Variants in TGM4 observed in about 807,000 individuals in gnomAD.
TGM4 encodes the protein transglutaminase 4, also known as protein-glutamine gamma-glutamyltransferase 4.
Under a neutral mutation model 76.3 loss-of-function variants are expected in TGM4, and 61 were observed. The ratio of observed to expected loss-of-function variants is 0.80; its 90% CI spans 0.65 to 0.99. The LOEUF (loss-of-function observed/expected upper bound fraction) is 0.99, where lower values mean the gene tolerates loss of function less well. Ranked by LOEUF, TGM4 falls within the 50% of genes least tolerant of loss-of-function variation. TGM4 has a pLI of 0.00. For synonymous variants in TGM4, 337 were observed against 329.8 expected (o/e 1.02, Z -0.24); for missense variants, 794 against 843.2 (o/e 0.94, Z 0.72).
intron 1 of TGM4, among the ~76,000 whole-genome samples, chr3:44,879,253 CTCTCTCTCTCTCTATA>C (rs1189798295): frequency 8.8e-4 from 86 of 97,926 alleles, no homozygotes; most frequent in African/African-American, 2.3e-3. Flanking sequence ...CTCTCTCTCT[CTCTCTCTCTCTCTATA>C]TATATATATA....
chr3:44,893,482 C>T, intron 4 of TGM4, 95 bp from the exon 5 acceptor site: 1 of 1,101,032 alleles, frequency 9.1e-7, no homozygotes, highest in Non-Finnish European at 1.4e-6. Flanking sequence ...TCACAAAGAC[C>T]TTGAATCTCC....
rs187586675 is a variant in TGM4 at position 44,876,990 on chromosome 3, C to T, written c.19+2293C>T. 3.9e-4 allele frequency among the ~76,000 whole-genome samples: 59 copies of T among 152,228 alleles called. 1 individual carries two copies. The highest frequency in any genetic ancestry group is 1.2e-3 in the African/African-American group (51 of 41,524). On this transcript the variant is annotated intron_variant, in intron 1 of 13. Coordinates refer to ENST00000296125, the MANE Select transcript of TGM4 (RefSeq NM_003241.4). ...AAAAGATGCTCAACCTTACTTGTAACGAGGGTGGTCATGAAATAAAACTGA... is the reference window on the plus strand; with the variant it reads ...AAAAGATGCTCAACCTTACTTGTAATGAGGGTGGTCATGAAATAAAACTGA...
rs199608051 is a variant in TGM4 at position 44,890,652 on chromosome 3, A to G, written c.350A>G (p.Gln117Arg). 40 of 1,614,078 alleles carry G rather than the reference A, an allele frequency of 2.5e-5. No homozygotes were observed. The highest frequency in any genetic ancestry group is 3.3e-5 in the Non-Finnish European group (39 of 1,180,040). The change falls in exon 4 of 14, where the codon CAA becomes CGA. Residue 117 changes from glutamine to arginine, a missense_variant. Physicochemically the swap from Gln to Arg is conservative, Grantham distance 43. Coordinates refer to ENST00000296125, the MANE Select transcript of TGM4 (RefSeq NM_003241.4). ...SSPNAILGKYQLNVKTGNHIL... is the reference protein window; with the variant it reads ...SSPNAILGKYRLNVKTGNHIL... ...CCCAATGCCATCCTGGGCAAGTACC[A>G]ACTAAACGTGAAAACTGGAAACCAC...
rs1259448044 is a variant in TGM4, at chr3:44,887,761, G to T, written c.266G>T (p.Trp89Leu). 3 of 1,614,188 alleles carry T rather than the reference G, an allele frequency of 1.9e-6. 1 individual carries two copies. In the South Asian group the frequency reaches 3.3e-5, roughly 18 times the overall value. ...DPRTPSDHYNWQATLQNESGK... is the reference protein window; with the variant it reads ...DPRTPSDHYNLQATLQNESGK... ...AGGACGCCCTCAGACCACTACAACT[G>T]GCAGGCAACCCTTCAAAATGAGTCT... The change falls in exon 3 of 14, where the codon TGG becomes TTG. Residue 89 changes from tryptophan to leucine, a missense_variant. By Grantham distance (61) the Trp-to-Leu change is moderately conservative (BLOSUM62 -2). Transcript: ENST00000296125.
At chr3:44,889,456 T>A (rs1013347883) in intron 3 of TGM4, among the ~76,000 whole-genome samples, 2 of 152,000 alleles carry the variant, frequency 1.3e-5, no homozygotes, top group South Asian at 4.2e-4. Flanking sequence ...CAGATGCCCA[T>A]GCTAGAAGCC....
In TGM4 at chr3:44,911,254, C is replaced by T. The variant is rs879175866; in HGVS notation, c.1777-16C>T. 1 of 1,614,072 alleles carries T rather than the reference C, an allele frequency of 6.2e-7. No homozygotes were observed. The highest frequency in any genetic ancestry group is 1.1e-5 in the South Asian group (1 of 91,072). On this transcript the variant is annotated splice_polypyrimidine_tract_variant and intron_variant, in intron 12 of 13. Transcript: ENST00000296125. ...CATATCTTCTCTCCCCATCTCTCCT[C>T]CCCACCCTACTACAGTTGCCTAACA...
At chr3:44,892,028 G>A (rs1244386476) in intron 4 of TGM4, among the ~76,000 whole-genome samples, 3 of 151,918 alleles carry the variant, frequency 2.0e-5, no homozygotes, top group African/African-American at 7.2e-5. Context: ...GGAGGCCAAG[G>A]CAGGCGGAAC....
chr3:44,904,054 G>C, intron 9 of TGM4, 67 bp downstream of exon 9: 1 of 1,427,002 alleles, frequency 7.0e-7, no homozygotes, highest in Non-Finnish European at 9.8e-7. Flanking sequence ...GGGTTCTGTG[G>C]GTCTTGGGTA....
chr3:44,877,609 T>C (rs746300323), intron 1 of TGM4, among the ~76,000 whole-genome samples: 1 of 151,664 alleles, frequency 6.6e-6, no homozygotes, highest in Non-Finnish European at 1.5e-5. Flanking sequence ...AAAAAAAGGT[T>C]ATATAAAAGC....
chr3:44,890,667 C>A lies in TGM4; in HGVS notation c.365C>A (p.Thr122Asn). ...ILGKYQLNVK[T>N]GNHILKSEEN... ...GGCAAGTACCAACTAAACGTGAAAACTGGAAACCACATCCTTAAGTCTGAA... is the reference window on the plus strand; with the variant it reads ...GGCAAGTACCAACTAAACGTGAAAAATGGAAACCACATCCTTAAGTCTGAA... The change falls in exon 4 of 14, where the codon ACT becomes AAT. Residue 122 changes from threonine to asparagine, a missense_variant. Thr to Asn is a moderately conservative substitution (Grantham distance 65, BLOSUM62 0). Transcript: ENST00000296125. The A allele has an allele frequency of 1.2e-6, 2 of 1,614,224 alleles. No homozygotes were observed. The highest frequency in any genetic ancestry group is 1.7e-6 in the Non-Finnish European group (2 of 1,180,042).
rs1401247892 is a variant in TGM4 at position 44,910,200 on chromosome 3, G to A, written c.1438G>A (p.Asp480Asn). 1.2e-6 allele frequency: 2 copies of A among 1,614,194 alleles called. No homozygotes were observed. The highest frequency in any genetic ancestry group is 1.7e-5 in the Admixed American group (1 of 60,018). The change falls in exon 11 of 14, where the codon GAT (aspartate) becomes AAT (asparagine). Residue 480 changes from aspartate to asparagine, a missense_variant. Asp to Asn is a conservative substitution (Grantham distance 23, BLOSUM62 1). Coordinates refer to ENST00000296125, the MANE Select transcript of TGM4 (RefSeq NM_003241.4). ...ENFLHMSVQS[D>N]DVLLGNSVNF... ...CTTTCTTCACATGTCGGTACAATCA[G>A]ATGATGTGCTGCTGGGAAACTCTGT...
chr3:44,896,347 G>A (rs1699778040), intron 5 of TGM4, among the ~76,000 whole-genome samples: 1 of 152,216 alleles, frequency 6.6e-6, no homozygotes, highest in South Asian at 2.1e-4. Flanking sequence ...CCGACCTCAG[G>A]TGATCCACCT....
intron 9 of TGM4, among the ~76,000 whole-genome samples, chr3:44,904,339 AG>A (rs1699896270): frequency 6.6e-6 from 1 of 152,342 alleles, no homozygotes; most frequent in Admixed American, 6.5e-5. Context: ...GAGGAAACTG[AG>A]GCTCAGGGAG....
At chr3:44,875,755 G>T (rs900935696) in intron 1 of TGM4, among the ~76,000 whole-genome samples, 2 of 152,218 alleles carry the variant, frequency 1.3e-5, no homozygotes, top group African/African-American at 4.8e-5. Flanking sequence ...GACTAAGCCA[G>T]ACCCTCCTAG....
In TGM4 at chr3:44,887,618, G is replaced by A. The variant is rs997584087; in HGVS notation, c.194-71G>A. ...GGCTCCATGAGTGGGCAGTAGGTGG[G>A]CCCGAACCAGAGGAGATTGTCTTGG... On this transcript the variant is annotated intron_variant, in intron 2 of 13. Coordinates refer to ENST00000296125, the MANE Select transcript of TGM4 (RefSeq NM_003241.4). 20 of 1,440,912 alleles carry A rather than the reference G, an allele frequency of 1.4e-5. No homozygotes were observed. The South Asian group carries it at 2.6e-4, about 18-fold the overall frequency. The allele number at this position is 1,440,912 out of a possible 1,614,324, so 89.3% of individuals were successfully genotyped here. A position where few individuals can be genotyped will look rare whatever the true frequency, so the allele number is the denominator to read the frequency against.
intron 13 of TGM4, among the ~76,000 whole-genome samples, 166 bp from the exon 14 acceptor site, chr3:44,913,418 C>T (rs1483448301): frequency 6.6e-6 from 1 of 152,220 alleles, no homozygotes; most frequent in South Asian, 2.1e-4. Flanking sequence ...AAACTGATAG[C>T]AGCACCCAGG....
Position 44,895,785 on chromosome 3 carries a change from C to G in TGM4, c.550-924C>G, listed in dbSNP as rs932194306. On this transcript the variant is annotated intron_variant, in intron 5 of 13. Transcript: ENST00000296125. ...TACAAAAGTAACACATGTACTTCAACTCTGTAAATATACAGATATTTATGG... is the reference window on the plus strand; with the variant it reads ...TACAAAAGTAACACATGTACTTCAAGTCTGTAAATATACAGATATTTATGG... Among the ~76,000 whole-genome samples the G allele has an allele frequency of 2.6e-5, 4 of 152,282 alleles. No homozygotes were observed. In the East Asian group the frequency reaches 7.7e-4, roughly 29 times the overall value.
intron 1 of TGM4, among the ~76,000 whole-genome samples, chr3:44,879,265 C>CTCTCTA (rs1482970491): frequency 3.5e-4 from 32 of 92,270 alleles, no homozygotes; most frequent in African/African-American, 1.1e-3. Context: ...CTCTCTCTCT[C>CTCTCTA]TATATATATA....
chr3:44,895,592 G>C (rs1699768842), intron 5 of TGM4, among the ~76,000 whole-genome samples: 1 of 152,188 alleles, frequency 6.6e-6, no homozygotes, highest in Non-Finnish European at 1.5e-5. Context: ...TAAGGCTTCA[G>C]TGAGCAGTGA....
Sources: gnomAD v4.1 joint callset for allele counts (sites outside exome capture counted in the v4.1 genomes callset) on GRCh38, gnomAD v4.1.1 for gene constraint, MANE v1.5 for transcripts, NCBI Gene and HGNC (gene_info 2026-07-23, HGNC 2026-07-21) for gene names.